The following LIN28B variants were observed in gnomAD, a reference collection of about 807,000 sequenced individuals.
LIN28B encodes lin-28 RNA binding posttranscriptional regulator B.
Under a neutral mutation model 21.9 loss-of-function variants are expected in LIN28B, and 5 were observed. The observed-to-expected ratio is 0.23, with a 90% CI of 0.12 to 0.48. The LOEUF (loss-of-function observed/expected upper bound fraction) is 0.48. Ranked by LOEUF, LIN28B falls within the 20% of genes least tolerant of loss-of-function variation. The probability of loss-of-function intolerance (pLI) is 0.98; values close to 1 mark genes in which losing one functional copy is unlikely to be tolerated. For synonymous variants in LIN28B, 109 were observed against 111.3 expected, an observed-to-expected ratio of 0.98 and a Z score of 0.13; for missense variants, 245 against 310.5, an observed-to-expected ratio of 0.79 and a Z score of 1.58.
intron 2 of LIN28B, among the ~76,000 whole-genome samples, chr6:105,004,154 A>G (rs9399902): frequency 0.22 from 33,671 of 152,026 alleles, 3,861 homozygotes; most frequent in Middle Eastern, 0.33. Context: ...TGCCTGTATT[A>G]TATACTAGCC....
At chr6:105,026,778 C>T (rs1199552215) in intron 3 of LIN28B, among the ~76,000 whole-genome samples, 1 of 152,116 alleles carries the variant, frequency 6.6e-6, no homozygotes, top group Non-Finnish European at 1.5e-5. Context: ...CCCCTTTTTA[C>T]ACCCAGAATT....
At position 104,993,590 on chromosome 6, in the gene LIN28B, C is replaced by A. The variant is rs534097766; in HGVS notation, c.199-32708C>A. ...GTGGCTTAGGCCTGTAATCCCAGCACTTTGGGAGGCCGAGGTGGGTGGATT... is the reference window on the plus strand; with the variant it reads ...GTGGCTTAGGCCTGTAATCCCAGCAATTTGGGAGGCCGAGGTGGGTGGATT... On this transcript the variant is annotated intron_variant, in intron 2 of 3. Transcript: ENST00000345080. Among the ~76,000 whole-genome samples, 54 of 152,236 alleles carry A rather than the reference C, an allele frequency of 3.5e-4. No homozygotes were observed. The South Asian group carries it at 0.011, about 30-fold the overall frequency.
At chr6:104,955,958 T>TA (rs1328557431), upstream of LIN28B, among the ~76,000 whole-genome samples, 1 of 151,852 alleles carries the variant, frequency 6.6e-6, no homozygotes, top group Non-Finnish European at 1.5e-5. Flanking sequence ...GTAAAGGGGG[T>TA]AGGCATTTTG....
At chr6:105,076,259 A>T (rs1167692624) in intron 3 of LIN28B, among the ~76,000 whole-genome samples, 2 of 152,100 alleles carry the variant, frequency 1.3e-5, no homozygotes, top group Non-Finnish European at 2.9e-5. Context: ...AATATGATTC[A>T]GTCTGTCCTA....
At chr6:105,027,694 A>G (rs1357065356) in intron 3 of LIN28B, among the ~76,000 whole-genome samples, 1 of 152,000 alleles carries the variant, frequency 6.6e-6, no homozygotes, top group African/African-American at 2.4e-5. Context: ...TCATTTTCCA[A>G]ACTACAAAAT....
At chr6:104,952,023 T>C (rs544259076) in intron 3 of LIN28B, among the ~76,000 whole-genome samples, 2 of 152,336 alleles carry the variant, frequency 1.3e-5, no homozygotes, top group South Asian at 2.1e-4. Flanking sequence ...CCTTTTTCAT[T>C]TCTGATATAC....
intron 2 of LIN28B, among the ~76,000 whole-genome samples, chr6:105,025,192 G>A (rs1453164940): frequency 1.3e-5 from 2 of 152,128 alleles, no homozygotes; most frequent in Non-Finnish European, 2.9e-5. Flanking sequence ...TTGAACTAAG[G>A]ACTTCTACCA....
chr6:104,957,883 C>T (rs959420971), intron 1 of LIN28B, among the ~76,000 whole-genome samples: 12 of 151,502 alleles, frequency 7.9e-5, no homozygotes, highest in African/African-American at 1.2e-4. Context: ...TTGGTGTGAT[C>T]GATAGAACAG....
At chr6:104,973,180 A>T (rs565833083) in intron 2 of LIN28B, among the ~76,000 whole-genome samples, 1 of 151,996 alleles carries the variant, frequency 6.6e-6, no homozygotes, top group Non-Finnish European at 1.5e-5. Context: ...CCACTTTTCC[A>T]TCCTCTCTGT....
intron 2 of LIN28B, among the ~76,000 whole-genome samples, chr6:104,992,832 C>T (rs1232269027): frequency 6.6e-6 from 1 of 151,890 alleles, no homozygotes; most frequent in East Asian, 1.9e-4. Flanking sequence ...TTTTACTACT[C>T]TTTCTTCTCT....
chr6:105,029,719 TTG>T (rs1233327589), intron 3 of LIN28B, among the ~76,000 whole-genome samples: 1 of 152,182 alleles, frequency 6.6e-6, no homozygotes, highest in Non-Finnish European at 1.5e-5. Flanking sequence ...GTTAATGTGA[TTG>T]TGTTTTTTCT....
At chr6:104,965,200 A>G (rs1194314805) in intron 2 of LIN28B, among the ~76,000 whole-genome samples, 2 of 152,192 alleles carry the variant, frequency 1.3e-5, no homozygotes, top group African/African-American at 4.8e-5. Flanking sequence ...TTTTCATTAT[A>G]GTTTTGTGGC....
In LIN28B at chr6:104,984,312, T is replaced by C. The variant is rs150613017; in HGVS notation, c.198+26026T>C. Among the ~76,000 whole-genome samples, 797 of 152,356 alleles carry C rather than the reference T, an allele frequency of 5.2e-3. 8 individuals are homozygous for C. The highest frequency in any genetic ancestry group is 0.018 in the African/African-American group (760 of 41,582). ...ACTGATTAAAAAACAGCACACAATG[T>C]ATAAATAATAAACATACAGTAGTCA... is the stretch of plus-strand genomic sequence containing the variant. On this transcript the variant is annotated intron_variant, in intron 2 of 3. Coordinates refer to ENST00000345080, the MANE Select transcript of LIN28B (RefSeq NM_001004317.4).
chr6:105,052,404 C>T (rs1771925840), intron 3 of LIN28B, among the ~76,000 whole-genome samples: 1 of 152,104 alleles, frequency 6.6e-6, no homozygotes, highest in African/African-American at 2.4e-5. Flanking sequence ...GGGCAGGCAT[C>T]TGGCAAGTGC....
intron 2 of LIN28B, among the ~76,000 whole-genome samples, chr6:104,985,963 G>T (rs986586134): frequency 6.6e-6 from 1 of 152,098 alleles, no homozygotes. Flanking sequence ...ATATGTGTGG[G>T]TGATATGGTT....
intron 2 of LIN28B, 131 bp downstream of exon 2, chr6:104,958,417 A>T (rs1769627853): frequency 6.1e-6 from 4 of 652,238 alleles, no homozygotes; most frequent in Non-Finnish European, 9.9e-6. Context: ...TGAAATCACT[A>T]GGTAGTCCAA....
chr6:105,034,623 T>A (rs1449221264), intron 3 of LIN28B, among the ~76,000 whole-genome samples: 1 of 152,084 alleles, frequency 6.6e-6, no homozygotes, highest in East Asian at 1.9e-4. Context: ...AGTACTAAAA[T>A]GGTACATCAT....
At chr6:105,065,202 G>T (rs1448358281) in intron 3 of LIN28B, among the ~76,000 whole-genome samples, 3 of 152,124 alleles carry the variant, frequency 2.0e-5, no homozygotes, top group Non-Finnish European at 4.4e-5. Context: ...GGATGTCTTA[G>T]CAGCTTGACC....
chr6:104,940,046 T>G (rs1778060202), intron 2 of LIN28B: 1 of 155,680 alleles, frequency 6.4e-6, no homozygotes, highest in Admixed American at 6.5e-5. Context: ...TGATGATGAT[T>G]AAGTTTGTAT....
Sources: gnomAD v4.1 joint callset for allele counts (sites outside exome capture counted in the v4.1 genomes callset) on GRCh38, gnomAD v4.1.1 for gene constraint, MANE v1.5 for transcripts, NCBI Gene and HGNC (gene_info 2026-07-23, HGNC 2026-07-21) for gene names.